PRKCSH: variants seen among roughly 807,000 people sequenced by gnomAD.
The protein encoded by PRKCSH is PRKCSH beta subunit of glucosidase II, also known as glucosidase 2 subunit beta.
Under a neutral mutation model 79.7 loss-of-function variants are expected in PRKCSH, and 42 were observed. The ratio of observed to expected loss-of-function variants is 0.53; its 90% CI spans 0.41 to 0.68. The LOEUF (loss-of-function observed/expected upper bound fraction) is 0.68. Ranked by LOEUF, PRKCSH falls within the 30% of genes least tolerant of loss-of-function variation. The pLI is 0.00. For missense variants in PRKCSH, 686 were observed against 709.0 expected (o/e 0.97, Z 0.37); for synonymous variants, 325 against 288.2 (o/e 1.13, Z -1.29).
intron 9 of PRKCSH, among the ~76,000 whole-genome samples, 183 bp downstream of exon 9, chr19:11,446,533 G>A (rs1276776933): frequency 6.6e-6 from 1 of 151,972 alleles, no homozygotes; most frequent in Non-Finnish European, 1.5e-5. Context: ...GAGCCAGGTC[G>A]CGCTGGAGCC....
rs751596187 is a variant in PRKCSH at position 11,449,258 on chromosome 19, A to G, written c.1462-8A>G. 1.1e-5 allele frequency: 18 copies of G among 1,613,582 alleles called. No homozygotes were observed. The highest frequency in any genetic ancestry group is 3.3e-4 in the Middle Eastern group (2 of 6,084). ...AACCCTCTCGAGCACCCGTCTGCCC[A>G]TCCCCAGGTGCGCCTCCTGTGCGGG... On this transcript the variant is annotated splice_region_variant and splice_polypyrimidine_tract_variant and intron_variant, in intron 16 of 17. Transcript: ENST00000677123. This position sits in a 1 kb window ranked among gnomAD's most constrained non-coding sequence, Gnocchi z 6.4.
intron 5 of PRKCSH, among the ~76,000 whole-genome samples, chr19:11,439,968 GC>G (rs1019352676): frequency 4.6e-5 from 7 of 151,308 alleles, no homozygotes; most frequent in African/African-American, 9.7e-5. Flanking sequence ...GTCTGTAGTC[GC>G]AGGTACTCAG....
Position 11,445,404 on chromosome 19 carries a change from C to T in PRKCSH, c.614C>T (p.Ala205Val), listed in dbSNP as rs1251818922. The T allele has an allele frequency of 1.9e-6, 3 of 1,613,736 alleles. No homozygotes were observed. The African/African-American group carries it at 4.0e-5, about 22-fold the overall frequency. Reference sequence around the variant, plus strand: ...TTCTTTACAGAGCAGCTGGCTGCTGCCAAGGCCCAACAGGAGCAGGAGCTG... The same window carrying T: ...TTCTTTACAGAGCAGCTGGCTGCTGTCAAGGCCCAACAGGAGCAGGAGCTG... ...QKLWEEQLAA[A>V]KAQQEQELAA... The change falls in exon 8 of 18, where the codon GCC becomes GTC. Residue 205 changes from alanine to valine, a missense_variant. Transcript: ENST00000677123.
chr19:11,442,656 C>G (rs565748564), intron 7 of PRKCSH, 141 bp downstream of exon 7: 14 of 1,350,912 alleles, frequency 1.0e-5, no homozygotes, highest in Non-Finnish European at 1.3e-5. Context: ...CTTTGAGGTT[C>G]GCTTGGATTG....
Position 11,447,884 on chromosome 19 carries a change from T to C in PRKCSH, c.1126+95T>C. The C allele has an allele frequency of 7.3e-7, 1 of 1,362,966 alleles. No homozygotes were observed. 84.4% of individuals were successfully genotyped at this position (1,362,966 alleles called of 1,614,324 possible). On this transcript the variant is annotated intron_variant, in intron 12 of 17. Coordinates refer to ENST00000677123, the MANE Select transcript of PRKCSH (RefSeq NM_001289104.2). The surrounding 1 kb of genome is among the most constrained non-coding windows in gnomAD (Gnocchi z 5.6). ...GGAAGATCCTGAGCTTAGACCCTGC[T>C]CTGACTCGGCCAGCACAAGCCCCAG...
At position 11,441,259 on chromosome 19, in the gene PRKCSH, A is replaced by G; in HGVS notation, c.370A>G (p.Arg124Gly). 6.2e-7 allele frequency: 1 copy of G among 1,613,970 alleles called. No individual in the cohort carries two copies. Residue 124 changes from arginine to glycine, a missense_variant, in exon 6 of 18, where the codon AGA (arginine) becomes GGA (glycine). Arg to Gly is a moderately radical substitution (Grantham distance 125). Around this residue, in one of 2 missense-constraint regions of PRKCSH, gnomAD observed 549 missense variants for 520.2 expected, o/e 1.06. Coordinates refer to ENST00000677123, the MANE Select transcript of PRKCSH (RefSeq NM_001289104.2). Reference sequence around the variant, plus strand: ...CCGCAGAGAGAAGGGCCGTAAGGAGAGAGAGTCCCTGCAGCAGATGGCCGA... The same window carrying G: ...CCGCAGAGAGAAGGGCCGTAAGGAGGGAGAGTCCCTGCAGCAGATGGCCGA... ...NTCKEKGRKE[R>G]ESLQQMAEVT... is the part of the protein sequence containing the mutation.
intron 8 of PRKCSH, 109 bp downstream of exon 8, chr19:11,445,582 T>TG: frequency 9.0e-7 from 1 of 1,110,152 alleles, no homozygotes; most frequent in Non-Finnish European, 1.3e-6. Context: ...TCCCCCGGCG[T>TG]GGGGTCCAGG....
chr19:11,441,483 C>T (rs2144822767), intron 6 of PRKCSH, 126 bp downstream of exon 6: 2 of 874,862 alleles, frequency 2.3e-6, no homozygotes, highest in East Asian at 2.5e-5. Flanking sequence ...CCTTTCGGAG[C>T]TTTGCTTTCT....
At chr19:11,436,591 C>A in intron 3 of PRKCSH, 86 bp downstream of exon 3, 1 of 1,103,668 alleles carries the variant, frequency 9.1e-7, no homozygotes, top group Non-Finnish European at 1.3e-6. Context: ...GATACTACCT[C>A]TGCTGGCTCC....
At chr19:11,438,005 G>A (rs1226324091) in intron 4 of PRKCSH, 34 bp downstream of exon 4, 29 of 1,613,920 alleles carry the variant, frequency 1.8e-5, no homozygotes, top group Non-Finnish European at 2.1e-5. Context: ...CTGGAAAGGT[G>A]GTAGAGGGAG....
At position 11,447,388 on chromosome 19, in the gene PRKCSH, G is replaced by T. The variant is rs371432776; in HGVS notation, c.850-51G>T. The T allele has an allele frequency of 1.0e-4, 161 of 1,585,678 alleles. 2 individuals carry two copies. In the Middle Eastern group the frequency reaches 1.7e-3, roughly 17 times the overall value. ...CTTGGGCTGTGGTGTGAGCCTGAGGGTGTGGGTGGACCCTGAGTCCACAAC... is the reference window on the plus strand; with the variant it reads ...CTTGGGCTGTGGTGTGAGCCTGAGGTTGTGGGTGGACCCTGAGTCCACAAC... On this transcript the variant is annotated intron_variant, in intron 10 of 17. Transcript: ENST00000677123. This position sits in a 1 kb window ranked among gnomAD's most constrained non-coding sequence, Gnocchi z 5.6.
chr19:11,448,942 C>A lies in PRKCSH; in HGVS notation c.1315C>A (p.Leu439Ile), dbSNP rs770566507. 6 of 1,614,076 alleles carry A rather than the reference C, an allele frequency of 3.7e-6. No homozygotes were observed. In the South Asian group the frequency reaches 6.6e-5, roughly 18 times the overall value. ...EYVYRLCPFK[L>I]VSQKPKLGGS... ...CGTCTACCGCCTCTGCCCCTTCAAG[C>A]TTGTCTCGCAGAAACCCAAACTCGG... The change falls in exon 15 of 18, where the codon CTT (leucine) becomes ATT (isoleucine). Residue 439 changes from leucine (L) to isoleucine (I), a missense_variant. Leu to Ile is a conservative substitution (Grantham distance 5). This residue lies in a region of PRKCSH where 137 missense variants were observed against 188.8 expected (regional missense o/e 0.73). Coordinates refer to ENST00000677123, the MANE Select transcript of PRKCSH (RefSeq NM_001289104.2). The surrounding 1 kb of genome is among the most constrained non-coding windows in gnomAD (Gnocchi z 4.4).
At chr19:11,436,852 C>G in intron 3 of PRKCSH, 1 of 349,696 alleles carries the variant, frequency 2.9e-6, no homozygotes, top group Non-Finnish European at 5.6e-6. Flanking sequence ...GAGACCCTGG[C>G]TTTTTGTTTT....
intron 8 of PRKCSH, 64 bp from the exon 9 acceptor site, chr19:11,446,208 G>T (rs746856031): frequency 1.9e-6 from 3 of 1,562,122 alleles, no homozygotes; most frequent in South Asian, 2.2e-5. Flanking sequence ...GGGCCACATG[G>T]TGCCCCCAAC....
Position 11,447,447 on chromosome 19 carries a change from C to T in PRKCSH, c.858C>T (p.Pro286=). ...CACTGCTCACCCGCCAGGCACTGCC[C>T]ACCGACCTTCCAGCACCTTCTGCCC... The part of the protein sequence containing the change: ...IRDKYRSEAL[P]TDLPAPSAPD... Residue 286 remains proline (P), a synonymous_variant, in exon 11 of 18, where the codon CCC becomes CCT. Coordinates refer to ENST00000677123, the MANE Select transcript of PRKCSH (RefSeq NM_001289104.2). This position sits in a 1 kb window ranked among gnomAD's most constrained non-coding sequence, Gnocchi z 5.6. 6.2e-7 allele frequency: 1 copy of T among 1,613,902 alleles called. No individual in the cohort carries two copies. The highest frequency in any genetic ancestry group is 8.5e-7 in the Non-Finnish European group (1 of 1,180,002).
intron 5 of PRKCSH, 144 bp from the exon 6 acceptor site, chr19:11,441,096 G>A: frequency 1.2e-6 from 1 of 829,118 alleles, no homozygotes; most frequent in Non-Finnish European, 2.1e-6. Flanking sequence ...CTGATGTTGA[G>A]AGAACCTGGG....
In PRKCSH at chr19:11,442,244, C is replaced by G. The variant is rs1599493384; in HGVS notation, c.469-142C>G. On this transcript the variant is annotated intron_variant, in intron 6 of 17. Coordinates refer to ENST00000677123, the MANE Select transcript of PRKCSH (RefSeq NM_001289104.2). Reference sequence around the variant, plus strand: ...TTCTCTCCAGAGGGCTACAGGGAACCCCAGCTCGGGAGAGAGACCCAGCTT... The same window carrying G: ...TTCTCTCCAGAGGGCTACAGGGAACGCCAGCTCGGGAGAGAGACCCAGCTT... 1.5e-5 allele frequency: 19 copies of G among 1,265,982 alleles called. No individual in the cohort carries two copies. In the South Asian group the frequency reaches 2.1e-4, roughly 14 times the overall value. The allele number at this position is 1,265,982 out of a possible 1,614,324, so 78.4% of individuals were successfully genotyped here.
chr19:11,445,562 C>G, intron 8 of PRKCSH, 89 bp downstream of exon 8: 1 of 1,320,986 alleles, frequency 7.6e-7, no homozygotes, highest in Non-Finnish European at 1.1e-6. Context: ...CAGCCAGATC[C>G]TCCTTGGGTT....
At chr19:11,441,207 C>T (rs372093403) in intron 5 of PRKCSH, 33 bp from the exon 6 acceptor site, 1 of 1,605,738 alleles carries the variant, frequency 6.2e-7, no homozygotes, top group African/African-American at 1.3e-5. Context: ...CTAAGTGCCC[C>T]ACTGGTGGTG....
Sources: gnomAD v4.1 joint callset for allele counts (sites outside exome capture counted in the v4.1 genomes callset) on GRCh38, gnomAD v4.1.1 for gene constraint, gnomAD v4.1.1 regional missense constraint, Gnocchi (gnomAD v3.1) non-coding constraint, MANE v1.5 for transcripts, NCBI Gene and HGNC (gene_info 2026-07-23, HGNC 2026-07-21) for gene names.